The following MYO18B variants were observed in gnomAD, a reference collection of about 807,000 sequenced individuals.
MYO18B encodes the protein myosin XVIIIB, also known as unconventional myosin-XVIIIb.
A neutral mutation model predicts 273.0 loss-of-function variants in MYO18B; 204 were observed. The ratio of observed to expected loss-of-function variants is 0.75; its 90% CI spans 0.67 to 0.84. The LOEUF (loss-of-function observed/expected upper bound fraction) is 0.84, where lower values mean the gene tolerates loss of function less well. Among genes scored for constraint, MYO18B ranks in the 40% least tolerant of loss-of-function variants. The pLI, the probability that MYO18B is intolerant of heterozygous loss-of-function variation, is 0.00. For synonymous variants in MYO18B, 1,330 were observed against 1,305.7 expected, an observed-to-expected ratio of 1.02 and a Z score of -0.40; for missense variants, 3,212 against 3,287.6, an observed-to-expected ratio of 0.98 and a Z score of 0.56.
intron 1 of MYO18B, 115 bp from the exon 2 acceptor site, chr22:25,760,869 G>T: frequency 1.7e-6 from 1 of 600,494 alleles, no homozygotes; most frequent in Non-Finnish European, 3.0e-6. Context: ...GTACCTGACT[G>T]TGCCCATTCC....
intron 40 of MYO18B, among the ~76,000 whole-genome samples, chr22:25,999,232 CGTT>C (rs971289313): frequency 6.6e-6 from 1 of 152,128 alleles, no homozygotes; most frequent in Non-Finnish European, 1.5e-5. Flanking sequence ...AATGGCCAAG[CGTT>C]GTTGTCATGT....
chr22:25,824,226 G>A (rs542640318), intron 13 of MYO18B, among the ~76,000 whole-genome samples: 18 of 152,208 alleles, frequency 1.2e-4, no homozygotes, highest in Non-Finnish European at 1.3e-4. Flanking sequence ...AGGTTGGGGA[G>A]TGAGTGGGAG....
chr22:26,006,639 A>C (rs1472070585), intron 42 of MYO18B: 1 of 156,572 alleles, frequency 6.4e-6, no homozygotes, highest in African/African-American at 2.4e-5. Flanking sequence ...ACCCGGACAT[A>C]GATTAAAAAA....
chr22:25,829,098 C>T (rs2089606478), intron 15 of MYO18B, 130 bp downstream of exon 15: 1 of 1,075,322 alleles, frequency 9.3e-7, no homozygotes, highest in Admixed American at 2.7e-5. Context: ...GAGAACAAAG[C>T]CCTTTCCCCA....
At chr22:25,924,487 C>T (rs931146117) in intron 34 of MYO18B, among the ~76,000 whole-genome samples, 1 of 152,108 alleles carries the variant, frequency 6.6e-6, no homozygotes, top group African/African-American at 2.4e-5. Flanking sequence ...AACAATGATA[C>T]GAATAAATAG....
At chr22:25,856,705 A>G (rs1372717852) in intron 21 of MYO18B, among the ~76,000 whole-genome samples, 1 of 152,212 alleles carries the variant, frequency 6.6e-6, no homozygotes, top group Non-Finnish European at 1.5e-5. Context: ...ATGGAGGTGC[A>G]TAGATAGTTT....
chr22:25,922,000 A>C (rs2092355064), intron 34 of MYO18B, among the ~76,000 whole-genome samples: 1 of 152,208 alleles, frequency 6.6e-6, no homozygotes, highest in Non-Finnish European at 1.5e-5. Flanking sequence ...TGATCAAGGC[A>C]TGATGTTGAC....
At chr22:25,791,129 C>T (rs2087641142) in intron 11 of MYO18B, among the ~76,000 whole-genome samples, 1 of 150,776 alleles carries the variant, frequency 6.6e-6, no homozygotes, top group Admixed American at 6.7e-5. Context: ...GATGGGCTGC[C>T]ATGTCTACAT....
In MYO18B at chr22:25,947,699, C is replaced by T; in HGVS notation, c.5632-13C>T. On this transcript the variant is annotated splice_polypyrimidine_tract_variant and intron_variant, in intron 35 of 43. Coordinates refer to ENST00000335473, the MANE Select transcript of MYO18B (RefSeq NM_032608.7). Reference sequence around the variant, plus strand: ...CTCTCACCTTGCCTTGACCACTGATCTGCCTCCCCCAGGTGGATGAGCAGC... The same window carrying T: ...CTCTCACCTTGCCTTGACCACTGATTTGCCTCCCCCAGGTGGATGAGCAGC... 2.5e-6 allele frequency: 4 copies of T among 1,609,208 alleles called. No individual in the cohort carries two copies. Among genetic ancestry groups the T allele is most frequent in the Non-Finnish European group, 3.4e-6 (4 of 1,176,872 alleles).
At chr22:25,839,038 G>C (rs1173938971) in intron 17 of MYO18B, among the ~76,000 whole-genome samples, 1 of 151,742 alleles carries the variant, frequency 6.6e-6, no homozygotes, top group Admixed American at 6.6e-5. Context: ...GTATGTATGA[G>C]TGTATACATG....
intron 35 of MYO18B, among the ~76,000 whole-genome samples, chr22:25,946,472 C>T (rs2092714036): frequency 1.3e-5 from 2 of 152,016 alleles, no homozygotes; most frequent in South Asian, 2.1e-4. Context: ...AGGTGCTCAG[C>T]GTTCTGAATG....
At chr22:25,970,745 G>A (rs1233301251) in intron 39 of MYO18B, among the ~76,000 whole-genome samples, 1 of 152,308 alleles carries the variant, frequency 6.6e-6, no homozygotes, top group Non-Finnish European at 1.5e-5. Flanking sequence ...GCTTTTGGTG[G>A]AAGATGATGT....
chr22:25,847,089 AAAT>A (rs1233382851), intron 19 of MYO18B, among the ~76,000 whole-genome samples: 10 of 151,552 alleles, frequency 6.6e-5, no homozygotes, highest in African/African-American at 1.9e-4. Context: ...AAAAAAAAAA[AAAT>A]AAAGAAAGAA....
chr22:26,037,337 G>A, the MYO18B span, among the ~76,000 whole-genome samples: 1 of 152,224 alleles, frequency 6.6e-6, no homozygotes, highest in Non-Finnish European at 1.5e-5. Context: ...GCCAGCAGGA[G>A]CATCAGGACA....
At chr22:26,044,035 G>A in the MYO18B span, among the ~76,000 whole-genome samples, 1 of 152,104 alleles carries the variant, frequency 6.6e-6, no homozygotes, top group Non-Finnish European at 1.5e-5. Context: ...CATTATGGTG[G>A]GTGTATAGCA....
chr22:25,781,707 C>T (rs759221560), intron 9 of MYO18B, 27 bp from the exon 10 acceptor site: 26 of 1,472,244 alleles, frequency 1.8e-5, no homozygotes, highest in Admixed American at 2.4e-5. Flanking sequence ...AAAGCACTGA[C>T]TGGGTGCCCC....
At position 25,833,430 on chromosome 22, in the gene MYO18B, A is replaced by G. The variant is rs2089785581; in HGVS notation, c.3060+433A>G. ...GAGAACAGGGGACCATGTTGGGTTC[A>G]GGGCCCTGAACTCATCTGGGGGCAG... On this transcript the variant is annotated intron_variant, in intron 16 of 43. Coordinates refer to ENST00000335473, the MANE Select transcript of MYO18B (RefSeq NM_032608.7). Among the ~76,000 whole-genome samples, 5 of 152,072 alleles carry G rather than the reference A, an allele frequency of 3.3e-5. No individual in the cohort carries two copies. The South Asian group carries it at 1.0e-3, about 32-fold the overall frequency.
chr22:25,908,404 A>G lies in MYO18B; in HGVS notation c.5231A>G (p.Glu1744Gly). 6.3e-7 allele frequency: 1 copy of G among 1,598,836 alleles called. No homozygotes were observed. The highest frequency in any genetic ancestry group is 1.1e-5 in the South Asian group (1 of 87,694). The change falls in exon 32 of 44, where the codon GAG (glutamate) becomes GGG (glycine). Residue 1744 changes from glutamate to glycine, a missense_variant. Glu to Gly is a moderately conservative substitution (Grantham distance 98, BLOSUM62 -2). Transcript: ENST00000335473. ...CGTGAGGACCAGGAGGAGGAACTGGAGGATGTCCGTCAGTCCTGCCAGAAG... is the reference window on the plus strand; with the variant it reads ...CGTGAGGACCAGGAGGAGGAACTGGGGGATGTCCGTCAGTCCTGCCAGAAG... ...KDREDQEEEL[E>G]DVRQSCQKRL...
In MYO18B at chr22:25,795,688, GT is replaced by G. The variant is rs2087876575; in HGVS notation, c.2377-2264del. Among the ~76,000 whole-genome samples the G allele has an allele frequency of 3.9e-5, 6 of 152,316 alleles. 1 individual carries two copies. Among genetic ancestry groups the G allele is most frequent in the Admixed American group, 3.9e-4 (6 of 15,304 alleles). On this transcript the variant is annotated intron_variant, in intron 11 of 43. Transcript: ENST00000335473. ...TGAGCTCCTGGTTGCTAGGGATTTT[GT>G]GATCCTGTGGCGGCCCAGAAATATG...
Sources: allele counts gnomAD v4.1 joint callset (sites outside exome capture counted in the v4.1 genomes callset), GRCh38; gene constraint gnomAD v4.1.1; transcripts MANE v1.5; gene names NCBI Gene and HGNC (gene_info 2026-07-23, HGNC 2026-07-21).